Variants in TAB2 observed in about 807,000 individuals in gnomAD.
The protein encoded by TAB2 is TGF-beta activated kinase 1 (MAP3K7) binding protein 2.
Under a neutral mutation model 65.0 loss-of-function variants are expected in TAB2, and 3 were observed. The ratio of observed to expected loss-of-function variants is 0.05; its 90% CI spans 0.02 to 0.12. The LOEUF (loss-of-function observed/expected upper bound fraction) is 0.12. TAB2 is among the 10% of genes least tolerant of loss of function. TAB2 has a pLI of 1.00. For missense variants in TAB2, 623 were observed against 840.3 expected (o/e 0.74, Z 3.20); for synonymous variants, 298 against 285.1 (o/e 1.05, Z -0.46).
chr6:149,299,470 G>A (rs570689901), intron 1 of TAB2, among the ~76,000 whole-genome samples: 80 of 152,308 alleles, frequency 5.3e-4, no homozygotes, highest in African/African-American at 1.9e-3. Flanking sequence ...TACTCAGGAC[G>A]CTGAGGCAAG....
chr6:149,249,250 G>A (rs752597598), intron 1 of TAB2, among the ~76,000 whole-genome samples: 2 of 151,994 alleles, frequency 1.3e-5, no homozygotes, highest in Non-Finnish European at 2.9e-5. Flanking sequence ...CAGTGCCCAG[G>A]GCATGGGTGT....
intron 1 of TAB2, among the ~76,000 whole-genome samples, chr6:149,277,900 G>C (rs1339213026): frequency 6.6e-6 from 1 of 152,146 alleles, no homozygotes; most frequent in African/African-American, 2.4e-5. Context: ...TCTGGAGGTA[G>C]TTTTAGAGAC....
upstream of TAB2, among the ~76,000 whole-genome samples, chr6:149,317,004 C>G (rs1023420467): frequency 2.0e-5 from 3 of 150,822 alleles, no homozygotes; most frequent in Non-Finnish European, 4.4e-5. This position sits in a 1 kb window ranked among gnomAD's most constrained non-coding sequence, Gnocchi z 4.7. Flanking sequence ...CCGCCGCGGG[C>G]CCACCTGCTC....
chr6:149,408,219 C>G (rs746934655), intron 6 of TAB2, among the ~76,000 whole-genome samples: 1 of 152,030 alleles, frequency 6.6e-6, no homozygotes, highest in Non-Finnish European at 1.5e-5. Flanking sequence ...TATTGTCAGA[C>G]CCTTGATTTT....
intron 1 of TAB2, among the ~76,000 whole-genome samples, chr6:149,322,163 G>A (rs1471682271): frequency 6.6e-6 from 1 of 152,044 alleles, no homozygotes; most frequent in Non-Finnish European, 1.5e-5. Flanking sequence ...TGGAGGTGCC[G>A]TATTGAAGAA....
chr6:149,300,996 T>A (rs1778960251), intron 1 of TAB2, among the ~76,000 whole-genome samples: 1 of 151,880 alleles, frequency 6.6e-6, no homozygotes, highest in Non-Finnish European at 1.5e-5. Context: ...GCTTGGGGAG[T>A]CTTGCTGTGG....
chr6:149,346,911 A>T (rs538634532), intron 1 of TAB2, among the ~76,000 whole-genome samples: 3 of 152,228 alleles, frequency 2.0e-5, no homozygotes, highest in South Asian at 2.1e-4. Flanking sequence ...AAGTGCTTTT[A>T]TTCTCTTTTC....
intron 1 of TAB2, among the ~76,000 whole-genome samples, chr6:149,349,742 C>T (rs556335): frequency 0.13 from 19,508 of 152,024 alleles, 1,802 homozygotes; most frequent in East Asian, 0.51. Flanking sequence ...TTAAGGGAAA[C>T]GCTTGAGTTT....
At chr6:149,265,890 C>T (rs1048938361) in intron 1 of TAB2, among the ~76,000 whole-genome samples, 3 of 152,182 alleles carry the variant, frequency 2.0e-5, no homozygotes, top group Admixed American at 6.5e-5. Flanking sequence ...TGGGAGGTTG[C>T]CCCTGAGCGA....
intron 1 of TAB2, among the ~76,000 whole-genome samples, chr6:149,261,498 T>C (rs1236803961): frequency 6.6e-6 from 1 of 152,198 alleles, no homozygotes; most frequent in Non-Finnish European, 1.5e-5. Flanking sequence ...AAGGTTTCTA[T>C]TAAACAGAAA....
chr6:149,253,285 A>G (rs565332417), intron 1 of TAB2, among the ~76,000 whole-genome samples: 2 of 152,344 alleles, frequency 1.3e-5, no homozygotes, highest in East Asian at 3.9e-4. Context: ...ATGCCAAGAT[A>G]TACTCTCTAA....
In TAB2 at chr6:149,249,496, TTCTC is replaced by T. The variant is rs368237648; in HGVS notation, c.-121+30724_-121+30727del. 1.1e-3 allele frequency among the ~76,000 whole-genome samples: 166 copies of T among 150,848 alleles called. 1 individual carries two copies. The highest frequency in any genetic ancestry group is 3.6e-3 in the African/African-American group (147 of 41,024). ...TTTCTCTCTGTCTCTCTCTGTCTCT[TTCTC>T]TCTATCTCTGTCTCTTTCTCTCTGT... On this transcript the variant is annotated intron_variant, in intron 1 of 1. Coordinates refer to the TAB2 transcript ENST00000606202.
At chr6:149,369,558 T>A (rs1186689837) in intron 1 of TAB2, among the ~76,000 whole-genome samples, 1 of 152,184 alleles carries the variant, frequency 6.6e-6, no homozygotes, top group Non-Finnish European at 1.5e-5. Flanking sequence ...GAATTTAGAT[T>A]ACTCACCTTG....
chr6:149,280,209 A>C (rs1778548695), intron 1 of TAB2, among the ~76,000 whole-genome samples: 1 of 152,056 alleles, frequency 6.6e-6, no homozygotes, highest in Non-Finnish European at 1.5e-5. Flanking sequence ...ATACTCTCTA[A>C]ATTTCAGTTT....
chr6:149,233,448 T>A (rs1777441810), intron 1 of TAB2, among the ~76,000 whole-genome samples: 1 of 152,176 alleles, frequency 6.6e-6, no homozygotes, highest in Non-Finnish European at 1.5e-5. Flanking sequence ...TATCTCTTCA[T>A]CTGATTTGTC....
At chr6:149,309,031 T>C (rs1279031922) in intron 1 of TAB2, among the ~76,000 whole-genome samples, 2 of 146,092 alleles carry the variant, frequency 1.4e-5, no homozygotes, top group Admixed American at 1.4e-4. Context: ...AAAAAAAATA[T>C]ATGGAATGAC....
chr6:149,281,581 A>AAC (rs1778576197), intron 1 of TAB2, among the ~76,000 whole-genome samples: 1 of 142,216 alleles, frequency 7.0e-6, no homozygotes, highest in South Asian at 2.2e-4. Flanking sequence ...AAAAAAAAAA[A>AAC]CTTGATTAAT....
chr6:149,344,858 G>A (rs1017753391), intron 1 of TAB2, among the ~76,000 whole-genome samples: 1 of 152,158 alleles, frequency 6.6e-6, no homozygotes, highest in African/African-American at 2.4e-5. Context: ...ATTGTAAAAA[G>A]TAACTGAAAT....
chr6:149,384,019 G>C (rs1269469659), intron 3 of TAB2, among the ~76,000 whole-genome samples: 2 of 152,192 alleles, frequency 1.3e-5, no homozygotes, highest in East Asian at 1.9e-4. Flanking sequence ...GGGGTGGCCT[G>C]AGTAATCCTG....
Sources: allele counts gnomAD v4.1 joint callset (sites outside exome capture counted in the v4.1 genomes callset), GRCh38; gene constraint gnomAD v4.1.1; non-coding constraint Gnocchi (gnomAD v3.1); transcripts MANE v1.5; gene names NCBI Gene and HGNC (gene_info 2026-07-23, HGNC 2026-07-21).